Variants in GRIN2A observed in about 807,000 individuals in gnomAD.
GRIN2A encodes the protein glutamate receptor ionotropic, NMDA 2A.
Under a neutral mutation model 113.4 loss-of-function variants are expected in GRIN2A, and 22 were observed. That is an observed-to-expected ratio of 0.19 (90% CI 0.14 to 0.28). GRIN2A has a LOEUF of 0.28. Ranked by LOEUF, GRIN2A falls within the 10% of genes least tolerant of loss-of-function variation. The pLI is 1.00. For synonymous variants in GRIN2A, 827 were observed against 738.4 expected (o/e 1.12, Z -1.94); for missense variants, 1,502 against 1,887.0 (o/e 0.80, Z 3.78).
At chr16:9,825,081 C>T (rs951206930) in intron 9 of GRIN2A, among the ~76,000 whole-genome samples, 1 of 152,178 alleles carries the variant, frequency 6.6e-6, no homozygotes, top group African/African-American at 2.4e-5. Context: ...ATCACAATAT[C>T]TGGAGTCAGA....
chr16:9,829,558 C>G lies in GRIN2A; in HGVS notation c.1872G>C (p.Gly624=), dbSNP rs1287782632. The change falls in exon 9 of 13, where the codon GGG becomes GGC. Residue 624 remains glycine (G), a synonymous_variant. Transcript: ENST00000330684. ...NNSVPVQNPK[G]TTSKIMVSVW... ...CAGATACCATGATCTTGCTGGTGGT[C>G]CCTTTAGGATTCTGGACAGGCACGG... The G allele has an allele frequency of 6.2e-7, 1 of 1,613,790 alleles. No individual in the cohort carries two copies. The highest frequency in any genetic ancestry group is 1.1e-5 in the South Asian group (1 of 91,066).
At chr16:9,912,449 T>A (rs1329036297) in intron 3 of GRIN2A, among the ~76,000 whole-genome samples, 1 of 137,080 alleles carries the variant, frequency 7.3e-6, no homozygotes, top group Non-Finnish European at 1.5e-5. Flanking sequence ...AAAAGCTTTA[T>A]GAAGCTGCAA....
At chr16:10,029,863 G>T (rs1017028252) in intron 2 of GRIN2A, among the ~76,000 whole-genome samples, 3 of 152,068 alleles carry the variant, frequency 2.0e-5, no homozygotes, top group Admixed American at 6.5e-5. Context: ...CAGGTGTGGT[G>T]CTGCATGCCT....
At chr16:9,836,639 T>C (rs565111722) in intron 7 of GRIN2A, among the ~76,000 whole-genome samples, 1 of 152,326 alleles carries the variant, frequency 6.6e-6, no homozygotes, top group East Asian at 1.9e-4. Context: ...TCTGCTGCAG[T>C]AGTCTTGTTT....
intron 2 of GRIN2A, among the ~76,000 whole-genome samples, chr16:10,166,970 G>A (rs2049937315): frequency 6.6e-6 from 1 of 152,080 alleles, no homozygotes; most frequent in South Asian, 2.1e-4. Flanking sequence ...AATACATATA[G>A]CATAGAAAAT....
chr16:9,826,967 C>T (rs1438369516), intron 9 of GRIN2A, among the ~76,000 whole-genome samples: 1 of 152,252 alleles, frequency 6.6e-6, no homozygotes, highest in African/African-American at 2.4e-5. Context: ...ATCCTCTCTT[C>T]CAGGACATTG....
intron 5 of GRIN2A, among the ~76,000 whole-genome samples, 173 bp from the exon 6 acceptor site, chr16:9,841,277 A>T (rs1262911805): frequency 6.6e-6 from 1 of 152,222 alleles, no homozygotes; most frequent in Admixed American, 6.5e-5. Context: ...AAGTGTCCTT[A>T]ATTATAGCAG....
chr16:9,998,906 G>C (rs893551958), intron 2 of GRIN2A, among the ~76,000 whole-genome samples: 2 of 152,132 alleles, frequency 1.3e-5, no homozygotes, highest in Non-Finnish European at 2.9e-5. Context: ...CTTCCTGGAT[G>C]GCTTGCTGAG....
chr16:9,819,458 G>A (rs1354900009), intron 10 of GRIN2A, among the ~76,000 whole-genome samples: 1 of 151,538 alleles, frequency 6.6e-6, no homozygotes, highest in East Asian at 1.9e-4. Flanking sequence ...GGAAGTCCAG[G>A]CTGCAATAAG....
At chr16:9,836,238 C>A (rs1164205084) in intron 7 of GRIN2A, among the ~76,000 whole-genome samples, 2 of 152,094 alleles carry the variant, frequency 1.3e-5, no homozygotes, top group Non-Finnish European at 2.9e-5. Context: ...GTGAGGCACA[C>A]AATATACAGA....
At chr16:9,940,216 T>G (rs142910822) in intron 2 of GRIN2A, among the ~76,000 whole-genome samples, 23 of 152,284 alleles carry the variant, frequency 1.5e-4, no homozygotes, top group African/African-American at 5.1e-4. Context: ...GGCCAAAAGC[T>G]ATAGTTCTTC....
At chr16:10,128,904 T>C (rs2142210068) in intron 2 of GRIN2A, among the ~76,000 whole-genome samples, 1 of 152,344 alleles carries the variant, frequency 6.6e-6, no homozygotes, top group Non-Finnish European at 1.5e-5. Flanking sequence ...TCCCAGCTAT[T>C]AACAATAGTA....
At chr16:10,111,739 G>A in intron 2 of GRIN2A, 1 of 1,522,686 alleles carries the variant, frequency 6.6e-7, no homozygotes, top group Non-Finnish European at 9.1e-7. Context: ...GGACCCCGTG[G>A]TGCTGAGCCC....
At chr16:9,882,685 G>A (rs551932043) in intron 4 of GRIN2A, among the ~76,000 whole-genome samples, 1 of 152,280 alleles carries the variant, frequency 6.6e-6, no homozygotes, top group South Asian at 2.1e-4. Flanking sequence ...TACTTGGGAG[G>A]TTGAGGCAGG....
In GRIN2A at chr16:9,822,312, T is replaced by C; in HGVS notation, c.2120A>G (p.Lys707Arg). 6 of 1,613,462 alleles carry C rather than the reference T, an allele frequency of 3.7e-6. No individual in the cohort carries two copies. The highest frequency in any genetic ancestry group is 5.1e-6 in the Non-Finnish European group (6 of 1,179,422). Residue 707 changes from lysine to arginine, a missense_variant, in exon 10 of 13, where the codon AAA becomes AGA. Around this residue, in one of 7 missense-constraint regions of GRIN2A, gnomAD observed 101 missense variants for 240.4 expected, o/e 0.42. Coordinates refer to ENST00000330684, the MANE Select transcript of GRIN2A (RefSeq NM_001134407.3). ...GTCCTCTACTCCTTTCTGATTAAATTTGGTCATGTACTGATGCATGTAGGG... is the reference window on the plus strand; with the variant it reads ...GTCCTCTACTCCTTTCTGATTAAATCTGGTCATGTACTGATGCATGTAGGG... ...NYPYMHQYMT[K>R]FNQKGVEDAL...
intron 2 of GRIN2A, among the ~76,000 whole-genome samples, chr16:10,009,674 A>G (rs1327423586): frequency 6.6e-6 from 1 of 152,118 alleles, no homozygotes. Flanking sequence ...GCTCAGTGAT[A>G]TAAGCACAGA....
intron 2 of GRIN2A, among the ~76,000 whole-genome samples, chr16:10,089,463 G>C (rs1021615800): frequency 6.6e-6 from 1 of 152,052 alleles, no homozygotes; most frequent in Admixed American, 6.5e-5. Context: ...TTACCAACGA[G>C]AAGCATATGG....
chr16:10,115,463 C>T (rs1484611164), intron 2 of GRIN2A, among the ~76,000 whole-genome samples: 1 of 152,230 alleles, frequency 6.6e-6, no homozygotes, highest in Non-Finnish European at 1.5e-5. Context: ...AGAAACCTAT[C>T]TGGAGGAGGA....
chr16:10,147,636 CAAA>C (rs35925963), intron 2 of GRIN2A, among the ~76,000 whole-genome samples: 38 of 118,560 alleles, frequency 3.2e-4, no homozygotes, highest in Admixed American at 4.3e-4. Context: ...GGCCCTGTCT[CAAA>C]AAAAAAAAAA....
Sources: allele counts gnomAD v4.1 joint callset (sites outside exome capture counted in the v4.1 genomes callset), GRCh38; gene constraint gnomAD v4.1.1; regional missense constraint gnomAD v4.1.1; transcripts MANE v1.5; gene names NCBI Gene and HGNC (gene_info 2026-07-23, HGNC 2026-07-21).